PTPRD: variants seen among roughly 807,000 people sequenced by gnomAD.
The protein encoded by PTPRD is receptor-type tyrosine-protein phosphatase delta.
In PTPRD, 34 loss-of-function variants were observed where a neutral mutation model predicts 214.5. That is an observed-to-expected ratio of 0.16 (90% CI 0.12 to 0.21). The LOEUF (loss-of-function observed/expected upper bound fraction) is 0.21, where lower values mean the gene tolerates loss of function less well. Ranked by LOEUF, PTPRD falls within the 10% of genes least tolerant of loss-of-function variation. The pLI is 1.00. For missense variants in PTPRD, 2,545 were observed against 2,398.7 expected (o/e 1.06, Z -1.27); for synonymous variants, 1,128 against 845.7 (o/e 1.33, Z -5.79).
rs191842145 is a variant in PTPRD at position 10,096,855 on chromosome 9, G to A, written c.-544-63065C>T. On this transcript the variant is annotated intron_variant, in intron 3 of 45. Transcript: ENST00000381196. ...ATGGTAATGCCTAGGTTTTCTTCTA[G>A]GGTTTTTATGCTTTTAGGTCTAACA... Among the ~76,000 whole-genome samples the A allele has an allele frequency of 1.8e-3, 272 of 152,076 alleles. 2 individuals are homozygous for A. Among genetic ancestry groups the A allele is most frequent in the Admixed American group, 3.5e-3 (54 of 15,246 alleles).
chr9:8,762,563 T>C (rs1599010874), intron 11 of PTPRD, among the ~76,000 whole-genome samples: 2 of 152,108 alleles, frequency 1.3e-5, no homozygotes, highest in African/African-American at 4.8e-5. Context: ...GAGAAAGCAA[T>C]ACAAACTAAC....
intron 3 of PTPRD, among the ~76,000 whole-genome samples, chr9:10,075,549 G>A (rs904055475): frequency 2.2e-4 from 33 of 150,850 alleles, no homozygotes; most frequent in Non-Finnish European, 4.1e-4. Flanking sequence ...ATGATTATGG[G>A]GGATTTTAAT....
At position 9,428,232 on chromosome 9, in the gene PTPRD, GA is replaced by G. The variant is rs527523213; in HGVS notation, c.-236-30751del. ...TGGAGGAAGATCTACCAAGCAAATG[GA>G]AAACAAAAAAAAAGCAGGGATTGCA... On this transcript the variant is annotated intron_variant, in intron 8 of 45. Transcript: ENST00000381196. 8.2e-3 allele frequency among the ~76,000 whole-genome samples: 1,229 copies of G among 149,446 alleles called. 15 individuals are homozygous for G. The highest frequency in any genetic ancestry group is 0.029 in the African/African-American group (1,175 of 40,870).
At chr9:10,382,969 A>G (rs972734527) in intron 2 of PTPRD, among the ~76,000 whole-genome samples, 1 of 151,936 alleles carries the variant, frequency 6.6e-6, no homozygotes, top group South Asian at 2.1e-4. Flanking sequence ...CTTCTGAATG[A>G]GTTGGAAAGT....
At position 10,108,607 on chromosome 9, in the gene PTPRD, C is replaced by T. The variant is rs1299581926; in HGVS notation, c.-544-74817G>A. 2.6e-5 allele frequency among the ~76,000 whole-genome samples: 4 copies of T among 152,098 alleles called. No homozygotes were observed. In the East Asian group the frequency reaches 7.7e-4, roughly 29 times the overall value. On this transcript the variant is annotated intron_variant, in intron 3 of 45. Coordinates refer to ENST00000381196, the MANE Select transcript of PTPRD (RefSeq NM_002839.4). ...ACTGCCATATGATCCTGCAATCCTA[C>T]TGCTGGGTATTTATCCAAAAAAATA...
At chr9:9,569,323 A>G (rs1202979044) in intron 8 of PTPRD, among the ~76,000 whole-genome samples, 1 of 151,812 alleles carries the variant, frequency 6.6e-6, no homozygotes, top group Non-Finnish European at 1.5e-5. Context: ...CCACAAAGTA[A>G]AGCTTACTTT....
chr9:8,657,030 G>C (rs865883251), intron 12 of PTPRD, among the ~76,000 whole-genome samples: 1 of 152,106 alleles, frequency 6.6e-6, no homozygotes, highest in South Asian at 2.1e-4. Context: ...AATCTGACTG[G>C]CGAGGGATGG....
intron 5 of PTPRD, among the ~76,000 whole-genome samples, chr9:9,916,230 G>T (rs552849106): frequency 6.6e-6 from 1 of 151,944 alleles, no homozygotes; most frequent in Admixed American, 6.6e-5. Flanking sequence ...ATGTTCAAGA[G>T]AATTGTAGCT....
intron 12 of PTPRD, among the ~76,000 whole-genome samples, chr9:8,644,141 T>A (rs996125020): frequency 5.3e-5 from 8 of 152,146 alleles, no homozygotes; most frequent in South Asian, 2.1e-4. Flanking sequence ...GAACACCTGC[T>A]GGGATGACCA....
chr9:8,772,144 A>G, intron 11 of PTPRD, among the ~76,000 whole-genome samples: 1 of 152,170 alleles, frequency 6.6e-6, no homozygotes, highest in African/African-American at 2.4e-5. Context: ...AAAAACAACA[A>G]CAACAACAAC....
chr9:10,507,807 A>T (rs188985345), intron 2 of PTPRD, among the ~76,000 whole-genome samples: 23 of 152,304 alleles, frequency 1.5e-4, no homozygotes, highest in Admixed American at 1.3e-3. Flanking sequence ...TTCAAGGTGG[A>T]TTAAAGACTT....
At position 10,296,830 on chromosome 9, in the gene PTPRD, C is replaced by T. The variant is rs113037159; in HGVS notation, c.-545+44133G>A. 5.5e-4 allele frequency among the ~76,000 whole-genome samples: 83 copies of T among 152,056 alleles called. 1 individual carries two copies. The highest frequency in any genetic ancestry group is 1.8e-3 in the African/African-American group (74 of 41,490). ...GAGGTAGCAAAAATAAATATAATGACGATTGACCTCTCTTAGATTGTTTCT... is the reference window on the plus strand; with the variant it reads ...GAGGTAGCAAAAATAAATATAATGATGATTGACCTCTCTTAGATTGTTTCT... On this transcript the variant is annotated intron_variant, in intron 3 of 45. Transcript: ENST00000381196.
chr9:10,094,057 C>T (rs905515257), intron 3 of PTPRD, among the ~76,000 whole-genome samples: 3 of 151,280 alleles, frequency 2.0e-5, no homozygotes, highest in African/African-American at 7.3e-5. Flanking sequence ...ATCCACATAA[C>T]AAATCTGCAC....
At chr9:8,778,324 C>G (rs62528833) in intron 11 of PTPRD, among the ~76,000 whole-genome samples, 15,790 of 152,174 alleles carry the variant, frequency 0.1, 929 homozygotes, top group Non-Finnish European at 0.13. Context: ...TTTTGAGACA[C>G]CAAAGTTCCT....
At chr9:9,960,213 T>G (rs1407120651) in intron 4 of PTPRD, among the ~76,000 whole-genome samples, 2 of 122,870 alleles carry the variant, frequency 1.6e-5, no homozygotes, top group Admixed American at 7.7e-5. Context: ...AAAAGGAGTA[T>G]GAAAATTTGA....
chr9:9,906,371 G>A lies in PTPRD; in HGVS notation c.-368+32136C>T, dbSNP rs184730927. Among the ~76,000 whole-genome samples the A allele has an allele frequency of 4.0e-3, 612 of 151,780 alleles. 5 individuals are homozygous for A. The highest frequency in any genetic ancestry group is 0.017 in the South Asian group (81 of 4,820). On this transcript the variant is annotated intron_variant, in intron 5 of 45. Coordinates refer to ENST00000381196, the MANE Select transcript of PTPRD (RefSeq NM_002839.4). ...CTTCACTCTATACTCAATTGTTATC[G>A]TTGTCTTTATTTTATATAGACTACA... is the stretch of plus-strand genomic sequence containing the variant.
At chr9:10,470,566 A>G (rs1026123795) in intron 2 of PTPRD, among the ~76,000 whole-genome samples, 26 of 152,160 alleles carry the variant, frequency 1.7e-4, no homozygotes, top group African/African-American at 6.3e-4. Context: ...TCCTCAGGAG[A>G]AAAAGAAGTG....
chr9:9,707,413 C>G (rs938192004), intron 7 of PTPRD, among the ~76,000 whole-genome samples: 3 of 152,120 alleles, frequency 2.0e-5, no homozygotes, highest in African/African-American at 7.2e-5. Context: ...TGTAATCCCT[C>G]TCTAATAGAA....
At chr9:9,553,531 C>T (rs1484533261) in intron 8 of PTPRD, among the ~76,000 whole-genome samples, 4 of 151,394 alleles carry the variant, frequency 2.6e-5, no homozygotes, top group Admixed American at 6.6e-5. Flanking sequence ...TTTTTTTTTC[C>T]ACATTGGTAT....
Sources: allele counts gnomAD v4.1 joint callset (sites outside exome capture counted in the v4.1 genomes callset), GRCh38; gene constraint gnomAD v4.1.1; transcripts MANE v1.5; gene names NCBI Gene and HGNC (gene_info 2026-07-23, HGNC 2026-07-21).